ARID5B: variants seen among roughly 807,000 people sequenced by gnomAD.
The protein encoded by ARID5B is AT-rich interactive domain-containing protein 5B.
Under a neutral mutation model 97.2 loss-of-function variants are expected in ARID5B, and 13 were observed. That is an observed-to-expected ratio of 0.13 (90% confidence interval 0.09 to 0.21). The LOEUF is 0.21. ARID5B is among the 10% of genes least tolerant of loss of function. ARID5B has a pLI of 1.00. For synonymous variants in ARID5B, 556 were observed against 570.3 expected (o/e 0.97, Z 0.36); for missense variants, 1,210 against 1,465.3 (o/e 0.83, Z 2.84).
At chr10:62,005,286 C>T (rs531458942) in intron 4 of ARID5B, among the ~76,000 whole-genome samples, 26 of 152,326 alleles carry the variant, frequency 1.7e-4, no homozygotes, top group African/African-American at 5.5e-4. Context: ...TGCCTCTGGG[C>T]AAGTGACATA....
chr10:61,974,555 T>C (rs892287972), intron 3 of ARID5B, among the ~76,000 whole-genome samples: 3 of 152,202 alleles, frequency 2.0e-5, no homozygotes, highest in African/African-American at 7.2e-5. Flanking sequence ...ATAATTTGAG[T>C]AATCTCAGAG....
Position 62,091,983 on chromosome 10 carries a change from C to G in ARID5B, c.2520C>G (p.Leu840=). ...ACTCGTCCCCTCATCTCCATAGCCTCTACAGACACACCGAGCACCATCTTC... is the reference window on the plus strand; with the variant it reads ...ACTCGTCCCCTCATCTCCATAGCCTGTACAGACACACCGAGCACCATCTTC... ...DFYSSPHLHS[L]YRHTEHHLHN... The change falls in exon 10 of 10, where the codon CTC becomes CTG. Residue 840 remains leucine (L), a synonymous_variant. Transcript: ENST00000279873. 1 of 1,614,022 alleles carries G rather than the reference C, an allele frequency of 6.2e-7. No individual in the cohort carries two copies. Among genetic ancestry groups the G allele is most frequent in the Non-Finnish European group, 8.5e-7 (1 of 1,179,982 alleles).
chr10:62,021,762 C>A (rs1447205395), intron 4 of ARID5B, among the ~76,000 whole-genome samples: 1 of 152,186 alleles, frequency 6.6e-6, no homozygotes, highest in East Asian at 1.9e-4. Context: ...TGGAGCTGTG[C>A]AAACCCAATT....
At chr10:61,975,758 GA>G (rs150324446) in intron 3 of ARID5B, among the ~76,000 whole-genome samples, 2,410 of 152,240 alleles carry the variant, frequency 0.016, 63 homozygotes, top group African/African-American at 0.055. Context: ...TTAATATTGA[GA>G]ATAGCTGATG....
intron 3 of ARID5B, among the ~76,000 whole-genome samples, chr10:61,954,930 T>C (rs1838371154): frequency 6.6e-6 from 1 of 151,056 alleles, no homozygotes; most frequent in Non-Finnish European, 1.5e-5. Flanking sequence ...CGCTTGAACC[T>C]GGGAGGCGGA....
At chr10:61,933,104 T>C (rs1377960144) in intron 2 of ARID5B, among the ~76,000 whole-genome samples, 1 of 152,156 alleles carries the variant, frequency 6.6e-6, no homozygotes, top group Admixed American at 6.5e-5. Context: ...AAAAAAACAT[T>C]GTTGACAGCA....
At chr10:62,022,930 G>A (rs754330060) in intron 4 of ARID5B, among the ~76,000 whole-genome samples, 3 of 152,218 alleles carry the variant, frequency 2.0e-5, no homozygotes, top group South Asian at 2.1e-4. Context: ...CGTGGTGCCC[G>A]TGTTAACGAA....
intron 3 of ARID5B, among the ~76,000 whole-genome samples, chr10:61,972,284 G>A (rs1485034869): frequency 1.4e-5 from 2 of 139,792 alleles, no homozygotes; most frequent in African/African-American, 5.3e-5. Flanking sequence ...CTGGAGTGCA[G>A]TGGTGCCATC....
chr10:61,976,849 AC>A (rs1176337419), intron 3 of ARID5B, among the ~76,000 whole-genome samples: 1 of 110,818 alleles, frequency 9.0e-6, no homozygotes, highest in Non-Finnish European at 1.8e-5. Flanking sequence ...TGGGAGAGAA[AC>A]TTTCTTTCTT....
chr10:62,057,978 C>G (rs1335853769), intron 6 of ARID5B, among the ~76,000 whole-genome samples: 1 of 152,154 alleles, frequency 6.6e-6, no homozygotes, highest in East Asian at 1.9e-4. Context: ...TATATTTTGC[C>G]TCTGTCTGGA....
At chr10:61,947,164 A>T (rs1395144157) in intron 3 of ARID5B, among the ~76,000 whole-genome samples, 2 of 152,020 alleles carry the variant, frequency 1.3e-5, no homozygotes, top group Non-Finnish European at 2.9e-5. Flanking sequence ...TTATAATGTG[A>T]CAACCCAAAG....
chr10:62,050,979 C>T lies in ARID5B; in HGVS notation c.825C>T (p.Ser275=), dbSNP rs1330764870. 5.6e-6 allele frequency: 9 copies of T among 1,614,080 alleles called. No homozygotes were observed. Among genetic ancestry groups the T allele is most frequent in the African/African-American group, 1.3e-5 (1 of 75,062 alleles). ...FSGVKDSNNN[S]DGKAVAKVKC... ...GTGTTAAGGATTCCAACAACAATTC[C>T]GATGGCAAAGCCGTTGCCAAGGTAC... is the stretch of plus-strand genomic sequence containing the variant. Residue 275 remains serine (S), a synonymous_variant, in exon 5 of 10, where the codon TCC becomes TCT. Transcript: ENST00000279873.
chr10:61,906,218 C>T (rs190650912), intron 2 of ARID5B, among the ~76,000 whole-genome samples: 2 of 151,492 alleles, frequency 1.3e-5, no homozygotes, highest in East Asian at 1.9e-4. Context: ...ATTTTATAAA[C>T]AATAAAAAAA....
At chr10:61,951,261 G>T (rs1308948216) in intron 3 of ARID5B, among the ~76,000 whole-genome samples, 2 of 152,198 alleles carry the variant, frequency 1.3e-5, no homozygotes, top group African/African-American at 2.4e-5. Flanking sequence ...CACAGTAGGG[G>T]CTGAGCAAAT....
intron 3 of ARID5B, among the ~76,000 whole-genome samples, chr10:61,990,672 C>T (rs769870942): frequency 6.6e-6 from 1 of 151,680 alleles, no homozygotes; most frequent in Non-Finnish European, 1.5e-5. Context: ...CTTTTCCTCC[C>T]CAGAGCAACC....
chr10:62,049,467 T>C (rs1257327946), intron 4 of ARID5B: 1 of 1,550,500 alleles, frequency 6.4e-7, no homozygotes, highest in East Asian at 2.4e-5. Flanking sequence ...CAGGCAGATG[T>C]TTGTCGACTG....
intron 3 of ARID5B, 145 bp downstream of exon 3, chr10:61,940,553 A>G: frequency 1.4e-6 from 1 of 737,904 alleles, no homozygotes; most frequent in Non-Finnish European, 2.2e-6. Context: ...ATATGGATGG[A>G]GAGATGACTG....
At chr10:61,996,327 A>G (rs16916897) in intron 3 of ARID5B, among the ~76,000 whole-genome samples, 2,638 of 152,160 alleles carry the variant, frequency 0.017, 35 homozygotes, top group South Asian at 0.055. Flanking sequence ...CTCGTCCCTA[A>G]TAGTGTAAAC....
intron 2 of ARID5B, among the ~76,000 whole-genome samples, chr10:61,918,609 G>C (rs1213112899): frequency 6.6e-6 from 1 of 152,124 alleles, no homozygotes; most frequent in African/African-American, 2.4e-5. Context: ...TAAACTTCCT[G>C]GTTTTTCATT....
Sources: gnomAD v4.1 joint callset for allele counts (sites outside exome capture counted in the v4.1 genomes callset) on GRCh38, gnomAD v4.1.1 for gene constraint, MANE v1.5 for transcripts, NCBI Gene and HGNC (gene_info 2026-07-23, HGNC 2026-07-21) for gene names.